MAP2K4: variants seen among roughly 807,000 people sequenced by gnomAD.
The protein encoded by MAP2K4 is mitogen-activated protein kinase kinase 4.
MAP2K4 carries 4 observed loss-of-function variants against 48.5 expected under a neutral mutation model. That is an observed-to-expected ratio of 0.08 (90% CI 0.04 to 0.19). MAP2K4 has a LOEUF of 0.19. MAP2K4 is among the 10% of genes least tolerant of loss of function. The pLI is 1.00. For synonymous variants in MAP2K4, 166 were observed against 173.1 expected (o/e 0.96, Z 0.32); for missense variants, 258 against 493.3 (o/e 0.52, Z 4.52).
chr17:12,056,540 G>C (rs1236396455), intron 2 of MAP2K4, among the ~76,000 whole-genome samples: 1 of 152,034 alleles, frequency 6.6e-6, no homozygotes, highest in Non-Finnish European at 1.5e-5. Context: ...AATTTGAAAG[G>C]ACATGGTAAT....
At chr17:12,103,363 C>T (rs1160149071) in intron 4 of MAP2K4, among the ~76,000 whole-genome samples, 1 of 151,944 alleles carries the variant, frequency 6.6e-6, no homozygotes, top group Non-Finnish European at 1.5e-5. Flanking sequence ...ACATGATTTT[C>T]TGTATTGCTT....
intron 10 of MAP2K4, 115 bp downstream of exon 10, chr17:12,139,999 A>G (rs1973325732): frequency 3.3e-6 from 2 of 614,748 alleles, no homozygotes; most frequent in Non-Finnish European, 5.4e-6. Flanking sequence ...TCTCAAATTT[A>G]TTGAGTGTTT....
intron 3 of MAP2K4, among the ~76,000 whole-genome samples, chr17:12,083,026 G>T (rs1971242945): frequency 6.6e-6 from 1 of 152,160 alleles, no homozygotes; most frequent in East Asian, 1.9e-4. Context: ...TGGATCTTAA[G>T]GGAAAGGTTT....
chr17:12,116,873 G>C (rs1334760851), intron 7 of MAP2K4, among the ~76,000 whole-genome samples: 1 of 152,056 alleles, frequency 6.6e-6, no homozygotes, highest in South Asian at 2.1e-4. Context: ...GTACATAATT[G>C]TATGTGCTAT....
chr17:12,082,575 C>T (rs1971228215), intron 3 of MAP2K4, among the ~76,000 whole-genome samples: 1 of 152,156 alleles, frequency 6.6e-6, no homozygotes, highest in African/African-American at 2.4e-5. Context: ...AAATAAAATG[C>T]TTTCTGTGTA....
intron 2 of MAP2K4, among the ~76,000 whole-genome samples, chr17:12,080,829 A>C (rs1025992214): frequency 1.3e-5 from 2 of 152,184 alleles, no homozygotes; most frequent in African/African-American, 4.8e-5. Flanking sequence ...TTGCTATGGG[A>C]CGATACCTGG....
chr17:12,030,065 G>A (rs1246746266), intron 1 of MAP2K4, among the ~76,000 whole-genome samples: 1 of 152,040 alleles, frequency 6.6e-6, no homozygotes, highest in African/African-American at 2.4e-5. Flanking sequence ...TCTTGTGCAA[G>A]ACTGTTGCTT....
At chr17:12,096,530 G>A (rs1398164089) in intron 4 of MAP2K4, among the ~76,000 whole-genome samples, 1 of 152,104 alleles carries the variant, frequency 6.6e-6, no homozygotes, top group African/African-American at 2.4e-5. Context: ...GAACTGCTAA[G>A]CATTTCAAAT....
At chr17:12,032,070 G>A (rs1025128421) in intron 1 of MAP2K4, among the ~76,000 whole-genome samples, 2 of 152,050 alleles carry the variant, frequency 1.3e-5, no homozygotes, top group African/African-American at 4.8e-5. Flanking sequence ...TTCATGTAAT[G>A]TATTACATCT....
chr17:12,025,035 C>T (rs1023581925), intron 1 of MAP2K4, among the ~76,000 whole-genome samples: 1 of 152,198 alleles, frequency 6.6e-6, no homozygotes, highest in Non-Finnish European at 1.5e-5. Context: ...AATTCAACAG[C>T]TTCTATAATG....
intron 7 of MAP2K4, among the ~76,000 whole-genome samples, chr17:12,118,129 A>G (rs528174576): frequency 1.7e-4 from 26 of 152,230 alleles, no homozygotes; most frequent in Non-Finnish European, 3.4e-4. Context: ...GTGATAAAGC[A>G]TCTGCTGATC....
chr17:12,041,933 C>A (rs923930220), intron 1 of MAP2K4, among the ~76,000 whole-genome samples: 1 of 151,994 alleles, frequency 6.6e-6, no homozygotes, highest in Admixed American at 6.6e-5. Flanking sequence ...GTAATCTCAG[C>A]GCTTTGGGAG....
chr17:12,035,948 G>A (rs1326594966), intron 1 of MAP2K4, among the ~76,000 whole-genome samples: 2 of 152,208 alleles, frequency 1.3e-5, no homozygotes, highest in East Asian at 3.9e-4. Flanking sequence ...ACAGTTGCCT[G>A]TTACAAGTCA....
chr17:12,108,030 A>T (rs1052999435), intron 5 of MAP2K4, 121 bp downstream of exon 5: 1 of 913,622 alleles, frequency 1.1e-6, no homozygotes, highest in Admixed American at 3.0e-5. Flanking sequence ...ATTCATAGTT[A>T]ATAACCAGAG....
At chr17:12,063,367 A>T (rs975731804) in intron 2 of MAP2K4, among the ~76,000 whole-genome samples, 2 of 152,114 alleles carry the variant, frequency 1.3e-5, no homozygotes, top group Non-Finnish European at 2.9e-5. Context: ...TTTATTTTTG[A>T]CTGTGGTGCT....
At chr17:12,096,558 C>A (rs1971766123) in intron 4 of MAP2K4, among the ~76,000 whole-genome samples, 1 of 152,142 alleles carries the variant, frequency 6.6e-6, no homozygotes, top group South Asian at 2.1e-4. Flanking sequence ...AAAAAAAATA[C>A]CTTTCTCATT....
chr17:12,027,566 T>C (rs1237575652), intron 1 of MAP2K4, among the ~76,000 whole-genome samples: 5 of 152,152 alleles, frequency 3.3e-5, no homozygotes, highest in Non-Finnish European at 7.4e-5. Flanking sequence ...CATATATATC[T>C]GAGATATATA....
chr17:12,126,400 C>G (rs1186511890), intron 8 of MAP2K4, among the ~76,000 whole-genome samples: 1 of 152,150 alleles, frequency 6.6e-6, no homozygotes, highest in Non-Finnish European at 1.5e-5. Context: ...AAATGCTGAC[C>G]TCTGGGCTAT....
At chr17:12,080,099 C>T (rs1306572268) in intron 2 of MAP2K4, among the ~76,000 whole-genome samples, 2 of 152,092 alleles carry the variant, frequency 1.3e-5, no homozygotes, top group Non-Finnish European at 2.9e-5. Flanking sequence ...AACTTTGAAC[C>T]TTAATATTAG....
Sources: gnomAD v4.1 joint callset for allele counts (sites outside exome capture counted in the v4.1 genomes callset) on GRCh38, gnomAD v4.1.1 for gene constraint, MANE v1.5 for transcripts, NCBI Gene and HGNC (gene_info 2026-07-23, HGNC 2026-07-21) for gene names.